MPDZ: variants seen among roughly 807,000 people sequenced by gnomAD.
The protein encoded by MPDZ is multiple PDZ domain protein.
In MPDZ, 234 loss-of-function variants were observed where a neutral mutation model predicts 239.1. The ratio of observed to expected loss-of-function variants is 0.98; its 90% CI spans 0.88 to 1.09. The LOEUF (loss-of-function observed/expected upper bound fraction) is 1.09, where lower values mean the gene tolerates loss of function less well. Ranked by LOEUF, MPDZ falls within the 50% of genes least tolerant of loss-of-function variation. MPDZ has a pLI of 0.00. For missense variants in MPDZ, 3,175 were observed against 2,510.0 expected (o/e 1.26, Z -5.66); for synonymous variants, 1,048 against 881.3 (o/e 1.19, Z -3.35).
At chr9:13,145,956 CA>C (rs886416432) in intron 26 of MPDZ, among the ~76,000 whole-genome samples, 6 of 151,572 alleles carry the variant, frequency 4.0e-5, no homozygotes, top group South Asian at 2.1e-4. Flanking sequence ...CACCCACACA[CA>C]AAAAAAATAG....
chr9:13,206,249 A>G, intron 10 of MPDZ, 150 bp from the exon 11 acceptor site: 1 of 715,918 alleles, frequency 1.4e-6, no homozygotes, highest in Non-Finnish European at 2.2e-6. Flanking sequence ...TAAGACCCTA[A>G]TATCTCTTTG....
intron 46 of MPDZ, 63 bp from the exon 47 acceptor site, chr9:13,107,174 A>C: frequency 6.7e-7 from 1 of 1,486,194 alleles, no homozygotes; most frequent in Non-Finnish European, 9.1e-7. Context: ...CTCACAACAG[A>C]AAAAGATCTC....
chr9:13,251,105 G>A (rs902972088), intron 1 of MPDZ, among the ~76,000 whole-genome samples: 1 of 138,050 alleles, frequency 7.2e-6, no homozygotes, highest in African/African-American at 2.8e-5. Flanking sequence ...CTCCAGCCTG[G>A]GCCACAGAAC....
chr9:13,132,833 C>T (rs1946205072), intron 32 of MPDZ, among the ~76,000 whole-genome samples: 1 of 152,104 alleles, frequency 6.6e-6, no homozygotes, highest in Non-Finnish European at 1.5e-5. Context: ...AAATCTAGGT[C>T]TCTGACACAT....
At chr9:13,190,670 T>C (rs1954789011) in intron 15 of MPDZ, among the ~76,000 whole-genome samples, 1 of 151,446 alleles carries the variant, frequency 6.6e-6, no homozygotes, top group Non-Finnish European at 1.5e-5. Flanking sequence ...ATTCTTATGA[T>C]AAATAAAAAC....
intron 22 of MPDZ, among the ~76,000 whole-genome samples, chr9:13,164,965 T>A (rs991028062): frequency 9.2e-5 from 14 of 152,146 alleles, no homozygotes; most frequent in African/African-American, 3.4e-4. Flanking sequence ...AAATTCAAAC[T>A]AACTTTTGGA....
chr9:13,221,797 A>G (rs1323613220), intron 6 of MPDZ, among the ~76,000 whole-genome samples: 1 of 152,044 alleles, frequency 6.6e-6, no homozygotes, highest in Non-Finnish European at 1.5e-5. Flanking sequence ...AAAAAAAGAA[A>G]AAGTTCAAAG....
intron 21 of MPDZ, among the ~76,000 whole-genome samples, chr9:13,173,659 C>T (rs958868274): frequency 6.6e-6 from 1 of 150,846 alleles, no homozygotes; most frequent in Non-Finnish European, 1.5e-5. Context: ...TAGCCGAGAT[C>T]ATGCCACTGC....
At chr9:13,125,616 C>T (rs1260986142) in intron 34 of MPDZ, among the ~76,000 whole-genome samples, 1 of 152,168 alleles carries the variant, frequency 6.6e-6, no homozygotes, top group African/African-American at 2.4e-5. Flanking sequence ...AATTTCTACT[C>T]TAAGTCTAGC....
At chr9:13,136,374 C>G (rs190518126) in intron 30 of MPDZ, among the ~76,000 whole-genome samples, 192 bp from the exon 31 acceptor site, 1 of 110,156 alleles carries the variant, frequency 9.1e-6, no homozygotes, top group Non-Finnish European at 1.7e-5. Flanking sequence ...TTCTGTTGCC[C>G]GAGCTGGAGT....
At chr9:13,236,604 G>T (rs1482221345) in intron 3 of MPDZ, among the ~76,000 whole-genome samples, 1 of 151,394 alleles carries the variant, frequency 6.6e-6, no homozygotes, top group African/African-American at 2.4e-5. Flanking sequence ...TTATAAACTC[G>T]TTTTCTTCTT....
At chr9:13,109,609 G>A (rs750146554) in intron 45 of MPDZ, among the ~76,000 whole-genome samples, 1 of 152,014 alleles carries the variant, frequency 6.6e-6, no homozygotes, top group Non-Finnish European at 1.5e-5. Context: ...TAGGCAGTGC[G>A]GGAAATTTTA....
chr9:13,259,545 G>T (rs1200015529), intron 1 of MPDZ, among the ~76,000 whole-genome samples: 1 of 152,058 alleles, frequency 6.6e-6, no homozygotes, highest in African/African-American at 2.4e-5. Context: ...TAAAATACAA[G>T]AACACAAAGG....
chr9:13,251,146 AAAAAAGG>A (rs1967887769), intron 1 of MPDZ, among the ~76,000 whole-genome samples: 1 of 151,134 alleles, frequency 6.6e-6, no homozygotes, highest in African/African-American at 2.4e-5. Flanking sequence ...AAAAAAAAAA[AAAAAAGG>A]AAAAGAAAAG....
intron 39 of MPDZ, among the ~76,000 whole-genome samples, chr9:13,115,717 G>A (rs1157305469): frequency 4.6e-5 from 7 of 151,974 alleles, no homozygotes; most frequent in South Asian, 2.1e-4. Context: ...AGGCCGAGGC[G>A]GGTGGATCAC....
intron 10 of MPDZ, 57 bp downstream of exon 10, chr9:13,216,717 A>C (rs1958392922): frequency 7.7e-7 from 1 of 1,301,164 alleles, no homozygotes; most frequent in Admixed American, 1.9e-5. Flanking sequence ...GTAAACTAGG[A>C]GAATACAATT....
chr9:13,176,159 C>G lies in MPDZ; in HGVS notation c.2908G>C (p.Val970Leu), dbSNP rs1044739001. The G allele has an allele frequency of 7.5e-6, 12 of 1,600,992 alleles. No homozygotes were observed. The East Asian group carries it at 2.7e-4, about 36-fold the overall frequency. ...EVISSAELPS[V>L]LPDSAGKGSE... ...ACCTTTCCAGCTGAATCGGGTAGCACAGAAGGAAGTTCTGCACTTGATATA... is the reference window on the plus strand; with the variant it reads ...ACCTTTCCAGCTGAATCGGGTAGCAGAGAAGGAAGTTCTGCACTTGATATA... Residue 970 changes from valine (V) to leucine (L), a missense_variant, in exon 20 of 47, where the codon GTG becomes CTG. Coordinates refer to ENST00000319217, the MANE Select transcript of MPDZ (RefSeq NM_001378778.1).
chr9:13,228,799 T>C (rs1961464749), intron 3 of MPDZ, among the ~76,000 whole-genome samples: 1 of 152,144 alleles, frequency 6.6e-6, no homozygotes, highest in African/African-American at 2.4e-5. Context: ...TCAAAATATT[T>C]TCATAGAAAA....
intron 1 of MPDZ, among the ~76,000 whole-genome samples, chr9:13,271,644 T>C (rs773104787): frequency 1.3e-5 from 2 of 152,206 alleles, no homozygotes; most frequent in South Asian, 2.1e-4. Context: ...TGTGTTCTGT[T>C]AGTTTTAATT....
Sources: gnomAD v4.1 joint callset for allele counts (sites outside exome capture counted in the v4.1 genomes callset) on GRCh38, gnomAD v4.1.1 for gene constraint, MANE v1.5 for transcripts, NCBI Gene and HGNC (gene_info 2026-07-23, HGNC 2026-07-21) for gene names.